The following KDELR1 variants were observed in gnomAD, a reference collection of about 807,000 sequenced individuals.
KDELR1 encodes the protein ER lumen protein-retaining receptor 1.
KDELR1 carries 16 observed loss-of-function variants against 25.5 expected under a neutral mutation model. The observed-to-expected ratio is 0.63, with a 90% CI of 0.43 to 0.95. The LOEUF (loss-of-function observed/expected upper bound fraction) is 0.95, where lower values mean the gene tolerates loss of function less well. KDELR1 is among the 40% of genes least tolerant of loss of function. KDELR1 has a pLI of 0.00. For synonymous variants in KDELR1, 121 were observed against 115.0 expected (o/e 1.05, Z -0.33); for missense variants, 159 against 265.2 (o/e 0.60, Z 2.78).
At chr19:48,393,299 G>A (rs1271169936), upstream of KDELR1, among the ~76,000 whole-genome samples, 2 of 152,142 alleles carry the variant, frequency 1.3e-5, no homozygotes, top group African/African-American at 4.8e-5. The surrounding 1 kb of genome is among the most constrained non-coding windows in gnomAD (Gnocchi z 5.6). Context: ...GCCTTCTGGG[G>A]CAATAAAAGC....
At chr19:48,383,411 G>A (rs1970471815) in intron 4 of KDELR1, 84 bp from the exon 5 acceptor site, 1 of 1,280,466 alleles carries the variant, frequency 7.8e-7, no homozygotes, top group Non-Finnish European at 1.1e-6. Context: ...AGCAGGGCAG[G>A]CACGCTAGAT....
upstream of KDELR1, among the ~76,000 whole-genome samples, chr19:48,393,333 G>A (rs1346942075): frequency 1.3e-5 from 2 of 152,090 alleles, no homozygotes; most frequent in African/African-American, 4.8e-5. This position sits in a 1 kb window ranked among gnomAD's most constrained non-coding sequence, Gnocchi z 5.6. Context: ...TTAGTGTGGC[G>A]AACACTGAAG....
intron 3 of KDELR1, chr19:48,389,342 G>A (rs1170695751): frequency 7.0e-6 from 4 of 574,008 alleles, no homozygotes; most frequent in African/African-American, 5.6e-5. Context: ...GTAAGTAGGT[G>A]AAATGCTTAG....
intron 3 of KDELR1, among the ~76,000 whole-genome samples, chr19:48,389,096 C>T (rs993928047): frequency 1.3e-5 from 2 of 152,112 alleles, no homozygotes; most frequent in Non-Finnish European, 2.9e-5. Context: ...CATGTGAAAC[C>T]CTGTCTGGAC....
chr19:48,388,931 G>GAAA (rs1555890279), intron 3 of KDELR1, among the ~76,000 whole-genome samples: 4 of 146,320 alleles, frequency 2.7e-5, no homozygotes, highest in Non-Finnish European at 4.5e-5. Flanking sequence ...AAAGAAAGAA[G>GAAA]GAAAGAAAGA....
At position 48,389,741 on chromosome 19, in the gene KDELR1, C is replaced by T. The variant is rs772795526; in HGVS notation, c.193-30G>A. 5 of 1,612,494 alleles carry T rather than the reference C, an allele frequency of 3.1e-6. No individual in the cohort carries two copies. The South Asian group carries it at 4.4e-5, about 14-fold the overall frequency. Reference sequence around the variant, plus strand: ...GGAGGGGGATGATGAGAAGGGGCCTCAACTCACAGGCCTGTGCCCCAGTAG... The same window carrying T: ...GGAGGGGGATGATGAGAAGGGGCCTTAACTCACAGGCCTGTGCCCCAGTAG... On this transcript the variant is annotated intron_variant, in intron 2 of 4. Transcript: ENST00000330720.
Position 48,384,525 on chromosome 19 carries a change from G to A in KDELR1, c.352-43C>T, listed in dbSNP as rs749495313. 2.5e-6 allele frequency: 4 copies of A among 1,590,738 alleles called. No homozygotes were observed. The highest frequency in any genetic ancestry group is 1.7e-5 in the Admixed American group (1 of 57,298). ...ACATGATGAGGTGGGAGGGGACAGG[G>A]CGGGAGAAAAGGCAGAGGACAACAT... is the stretch of plus-strand genomic sequence containing the variant. On this transcript the variant is annotated intron_variant, in intron 3 of 4. Transcript: ENST00000330720. This position sits in a 1 kb window ranked among gnomAD's most constrained non-coding sequence, Gnocchi z 4.6.
intron 3 of KDELR1, among the ~76,000 whole-genome samples, chr19:48,388,005 AAAAG>A (rs1970509813): frequency 3.3e-5 from 5 of 152,252 alleles, no homozygotes; most frequent in African/African-American, 1.2e-4. Flanking sequence ...ATTTAAAAGT[AAAAG>A]TATCAGAGAT....
chr19:48,388,509 A>G (rs1341962536), intron 3 of KDELR1, among the ~76,000 whole-genome samples: 1 of 152,000 alleles, frequency 6.6e-6, no homozygotes, highest in African/African-American at 2.4e-5. Flanking sequence ...AATATGTTGA[A>G]ACCCTGTCTC....
chr19:48,389,469 A>G, intron 3 of KDELR1, 84 bp downstream of exon 3: 1 of 1,531,430 alleles, frequency 6.5e-7, no homozygotes, highest in Non-Finnish European at 9.0e-7. Context: ...CACCCTGCAG[A>G]AGGAAGCCTG....
intron 4 of KDELR1, among the ~76,000 whole-genome samples, chr19:48,383,586 A>G (rs275846): frequency 0.57 from 87,442 of 152,082 alleles, 25,539 homozygotes; most frequent in East Asian, 0.82. Context: ...TCACAGCTCC[A>G]TGCAGCCTTG....
chr19:48,394,450 G>T (rs1970608300), upstream of KDELR1, among the ~76,000 whole-genome samples: 1 of 145,120 alleles, frequency 6.9e-6, no homozygotes, highest in Non-Finnish European at 1.5e-5. The surrounding 1 kb of genome is among the most constrained non-coding windows in gnomAD (Gnocchi z 5.1). Context: ...ACAGACGCTG[G>T]AAGGGGGGGT....
upstream of KDELR1, among the ~76,000 whole-genome samples, chr19:48,395,818 G>A (rs763913165): frequency 3.3e-5 from 5 of 152,102 alleles, no homozygotes; most frequent in Non-Finnish European, 7.4e-5. Flanking sequence ...GCCGGAACCC[G>A]GACTCCTGGG....
chr19:48,391,620 C>T (rs926017119), upstream of KDELR1: 8 of 489,410 alleles, frequency 1.6e-5, no homozygotes, highest in South Asian at 4.4e-5. Context: ...GGCCTGGATC[C>T]CCGGCGCCCC....
rs575099358 is a variant in KDELR1 at position 48,390,563 on chromosome 19, CAGAG to C, written c.92-43_92-40del. The C allele has an allele frequency of 3.4e-4, 335 of 978,074 alleles. 1 individual carries two copies. Among genetic ancestry groups the C allele is most frequent in the East Asian group, 2.0e-3 (68 of 34,352 alleles). 60.6% of individuals were successfully genotyped at this position (978,074 alleles called of 1,614,324 possible). A position where few individuals can be genotyped will look rare whatever the true frequency, so the allele number is the denominator to read the frequency against. Reference sequence around the variant, plus strand: ...ACAGAGAAAGAGAGAGAGAGAGAGACAGAGAGAGAGAGAGAGACAGACAGACAGA... The same window carrying C: ...ACAGAGAAAGAGAGAGAGAGAGAGACAGAGAGAGAGAGACAGACAGACAGA... On this transcript the variant is annotated intron_variant, in intron 1 of 4. Coordinates refer to ENST00000330720, the MANE Select transcript of KDELR1 (RefSeq NM_006801.3).
intron 4 of KDELR1, 100 bp from the exon 5 acceptor site, chr19:48,383,427 G>A (rs1970471912): frequency 9.8e-7 from 1 of 1,023,666 alleles, no homozygotes; most frequent in Admixed American, 2.0e-5. Context: ...TAGATGGGCA[G>A]ATCCACAGGG....
chr19:48,388,542 C>G (rs906434127), intron 3 of KDELR1, among the ~76,000 whole-genome samples: 2 of 151,950 alleles, frequency 1.3e-5, no homozygotes, highest in Non-Finnish European at 2.9e-5. Flanking sequence ...AAAAAATAAC[C>G]TGGCTTGGTG....
At chr19:48,394,522 A>T (rs1454207507), upstream of KDELR1, among the ~76,000 whole-genome samples, 1 of 117,342 alleles carries the variant, frequency 8.5e-6, no homozygotes, top group African/African-American at 3.3e-5. This position sits in a 1 kb window ranked among gnomAD's most constrained non-coding sequence, Gnocchi z 5.1. Context: ...GACTGGACAC[A>T]TGGAAAGGGG....
intron 3 of KDELR1, among the ~76,000 whole-genome samples, chr19:48,388,931 G>GAAGGAAAGAAA (rs1555890279): frequency 0.011 from 1,665 of 146,382 alleles, 30 homozygotes; most frequent in African/African-American, 0.041. Flanking sequence ...AAAGAAAGAA[G>GAAGGAAAGAAA]GAAAGAAAGA....
Sources: allele counts gnomAD v4.1 joint callset (sites outside exome capture counted in the v4.1 genomes callset), GRCh38; gene constraint gnomAD v4.1.1; non-coding constraint Gnocchi (gnomAD v3.1); transcripts MANE v1.5; gene names NCBI Gene and HGNC (gene_info 2026-07-23, HGNC 2026-07-21).